FARP2: variants seen among roughly 807,000 people sequenced by gnomAD.
The protein encoded by FARP2 is FERM, ARHGEF and pleckstrin domain-containing protein 2.
A neutral mutation model predicts 130.5 loss-of-function variants in FARP2; 111 were observed. That is an observed-to-expected ratio of 0.85 (90% CI 0.73 to 1.00). FARP2 has a LOEUF of 1.00. Among genes scored for constraint, FARP2 ranks in the 50% least tolerant of loss-of-function variants. The pLI, the probability that FARP2 is intolerant of heterozygous loss-of-function variation, is 0.00. For synonymous variants in FARP2, 504 were observed against 516.9 expected (o/e 0.98, Z 0.34); for missense variants, 1,385 against 1,346.3 (o/e 1.03, Z -0.45).
At chr2:241,456,972 G>T in intron 14 of FARP2, 50 bp downstream of exon 14, 5 of 1,480,406 alleles carry the variant, frequency 3.4e-6, no homozygotes, top group Non-Finnish European at 4.5e-6. Flanking sequence ...GGGTGGGCCT[G>T]TTTTCACTGT....
intron 13 of FARP2, chr2:241,442,899 A>G (rs1459971284): frequency 9.0e-6 from 2 of 222,810 alleles, no homozygotes; most frequent in Non-Finnish European, 1.8e-5. Context: ...GAATATGTGT[A>G]TTACACTATT....
chr2:241,441,917 C>T (rs1004017363), intron 13 of FARP2: 1 of 379,048 alleles, frequency 2.6e-6, no homozygotes, highest in Admixed American at 4.0e-5. Context: ...TCTGCCCAGC[C>T]TCTGGTGGCC....
rs2063235204 is a variant in FARP2 at position 241,436,543 on chromosome 2, G to C, written c.1158+5G>C. ...ACTGCAGACCTACCAAAACAGGTTA[G>C]TCTCTTCCGGTTCAACATGGGGGCA... On this transcript the variant is annotated splice_donor_5th_base_variant and intron_variant, in intron 12 of 26. Coordinates refer to ENST00000264042, the MANE Select transcript of FARP2 (RefSeq NM_014808.4). The C allele has an allele frequency of 6.2e-7, 1 of 1,613,600 alleles. No individual in the cohort carries two copies. The highest frequency in any genetic ancestry group is 8.5e-7 in the Non-Finnish European group (1 of 1,179,576).
chr2:241,444,855 TG>T (rs2063476841), intron 13 of FARP2: 1 of 152,194 alleles, frequency 6.6e-6, no homozygotes, highest in East Asian at 1.9e-4. Flanking sequence ...TCAAATTCAG[TG>T]TTACCCACAC....
intron 21 of FARP2, among the ~76,000 whole-genome samples, chr2:241,485,341 G>A (rs6743195): frequency 7.0e-6 from 1 of 142,478 alleles, no homozygotes; most frequent in Non-Finnish European, 1.5e-5. Context: ...CTCATTCCCT[G>A]GGATCTTCCC....
intron 8 of FARP2, among the ~76,000 whole-genome samples, chr2:241,419,789 C>G (rs1453761998): frequency 6.6e-6 from 1 of 152,136 alleles, no homozygotes; most frequent in African/African-American, 2.4e-5. Context: ...AAAATTTTAT[C>G]TTGTAATTTT....
intron 22 of FARP2, 41 bp downstream of exon 22, chr2:241,490,085 G>A (rs757738343): frequency 3.0e-5 from 42 of 1,412,186 alleles, no homozygotes; most frequent in Non-Finnish European, 4.1e-5. Context: ...AGCCCTGGAT[G>A]GAGGGGTGGG....
intron 1 of FARP2, among the ~76,000 whole-genome samples, chr2:241,371,351 G>A (rs2061420450): frequency 6.6e-6 from 1 of 152,176 alleles, no homozygotes; most frequent in Non-Finnish European, 1.5e-5. Context: ...GGGTGTGATG[G>A]CGCATGCCTG....
At chr2:241,474,044 C>T (rs2064386054) in intron 18 of FARP2, among the ~76,000 whole-genome samples, 1 of 151,964 alleles carries the variant, frequency 6.6e-6, no homozygotes, top group South Asian at 2.1e-4. Context: ...CGGTGGCTCA[C>T]GCCTGTAATC....
chr2:241,440,178 AAC>A (rs1166998397), intron 12 of FARP2, among the ~76,000 whole-genome samples: 1 of 152,230 alleles, frequency 6.6e-6, no homozygotes, highest in Non-Finnish European at 1.5e-5. Context: ...TACATATGGT[AAC>A]ACGTGCATGT....
rs578033414 is a variant in FARP2 at position 241,451,081 on chromosome 2, T to C, written c.1412-5666T>C. On this transcript the variant is annotated intron_variant, in intron 13 of 26. Transcript: ENST00000264042. ...ATTTCTTCCACCTCCACCTCCTGAGTAGCTGGGACTACAGGCAAGCACACC... is the reference window on the plus strand; with the variant it reads ...ATTTCTTCCACCTCCACCTCCTGAGCAGCTGGGACTACAGGCAAGCACACC... 6.2e-4 allele frequency among the ~76,000 whole-genome samples: 95 copies of C among 152,200 alleles called. 1 individual carries two copies. The highest frequency in any genetic ancestry group is 2.2e-3 in the African/African-American group (91 of 41,520).
chr2:241,465,508 T>C (rs1255491108), intron 17 of FARP2: 2 of 1,550,104 alleles, frequency 1.3e-6, no homozygotes, highest in South Asian at 1.2e-5. Flanking sequence ...AAAAATGGAG[T>C]AGACTTTTGG....
intron 22 of FARP2, 38 bp from the exon 23 acceptor site, chr2:241,491,023 A>G (rs2064881008): frequency 6.7e-7 from 1 of 1,498,672 alleles, no homozygotes. Flanking sequence ...CTACACAAGG[A>G]AGAGCAGAGC....
intron 2 of FARP2, among the ~76,000 whole-genome samples, chr2:241,381,011 C>G (rs953511758): frequency 1.3e-5 from 2 of 152,250 alleles, no homozygotes; most frequent in South Asian, 2.1e-4. Context: ...CCCTTACCCC[C>G]CTGATGGAAT....
At position 241,456,129 on chromosome 2, in the gene FARP2, G is replaced by A. The variant is rs375021487; in HGVS notation, c.1412-618G>A. Among the ~76,000 whole-genome samples the A allele has an allele frequency of 7.2e-5, 11 of 151,956 alleles. No individual in the cohort carries two copies. In the East Asian group the frequency reaches 7.7e-4, roughly 11 times the overall value. Reference sequence around the variant, plus strand: ...CTGCAAATTTGGCACCTATTTATTCGAAAACAAACATGGTTTTAAGAAGGG... The same window carrying A: ...CTGCAAATTTGGCACCTATTTATTCAAAAACAAACATGGTTTTAAGAAGGG... On this transcript the variant is annotated intron_variant, in intron 13 of 26. Coordinates refer to ENST00000264042, the MANE Select transcript of FARP2 (RefSeq NM_014808.4).
intron 12 of FARP2, among the ~76,000 whole-genome samples, chr2:241,437,928 G>T (rs1279699992): frequency 6.6e-6 from 1 of 152,130 alleles, no homozygotes; most frequent in East Asian, 1.9e-4. Flanking sequence ...GCCTCCCAAA[G>T]TGCTGGGAAT....
intron 4 of FARP2, among the ~76,000 whole-genome samples, chr2:241,406,835 T>G (rs1209659779): frequency 6.6e-6 from 1 of 151,944 alleles, no homozygotes; most frequent in Non-Finnish European, 1.5e-5. Flanking sequence ...TGAGACGGAG[T>G]CTCGCTCTGT....
At chr2:241,364,076 C>T (rs80163737) in intron 1 of FARP2, among the ~76,000 whole-genome samples, 1,633 of 152,208 alleles carry the variant, frequency 0.011, 36 homozygotes, top group African/African-American at 0.037. Flanking sequence ...ATGAAGGGTA[C>T]GAATCAACTA....
chr2:241,410,085 T>C (rs1437300620), intron 5 of FARP2, among the ~76,000 whole-genome samples: 1 of 152,198 alleles, frequency 6.6e-6, no homozygotes, highest in Non-Finnish European at 1.5e-5. Context: ...CCCAGAACAG[T>C]ACCTAGAACG....
Sources: gnomAD v4.1 joint callset for allele counts (sites outside exome capture counted in the v4.1 genomes callset) on GRCh38, gnomAD v4.1.1 for gene constraint, MANE v1.5 for transcripts, NCBI Gene and HGNC (gene_info 2026-07-23, HGNC 2026-07-21) for gene names.